EVL: variants seen among roughly 807,000 people sequenced by gnomAD.
The protein encoded by EVL is ena/VASP-like protein.
A neutral mutation model predicts 59.6 loss-of-function variants in EVL; 21 were observed. The ratio of observed to expected loss-of-function variants is 0.35; its 90% confidence interval spans 0.25 to 0.51. EVL has a LOEUF of 0.51. Among genes scored for constraint, EVL ranks in the 20% least tolerant of loss-of-function variants. EVL has a pLI of 0.97. For missense variants in EVL, 462 were observed against 546.6 expected (o/e 0.85, Z 1.54); for synonymous variants, 198 against 203.5 (o/e 0.97, Z 0.23).
At chr14:100,135,360 C>T (rs1888713018) in intron 8 of EVL, 1 of 152,694 alleles carries the variant, frequency 6.5e-6, no homozygotes, top group Non-Finnish European at 1.5e-5. Flanking sequence ...CATTCTGCTT[C>T]ATCAAGTGGA....
intron 1 of EVL, among the ~76,000 whole-genome samples, chr14:99,994,727 T>C (rs1056326147): frequency 6.6e-6 from 1 of 152,196 alleles, no homozygotes; most frequent in Non-Finnish European, 1.5e-5. Context: ...TGTCTACATA[T>C]TTACCTTTAC....
At chr14:99,979,562 A>AT (rs1555410188) in intron 1 of EVL, among the ~76,000 whole-genome samples, 1 of 151,654 alleles carries the variant, frequency 6.6e-6, no homozygotes, top group African/African-American at 2.4e-5. Context: ...GGATGGAAAT[A>AT]TTTTTTTTAA....
At chr14:100,076,276 C>G (rs1595138119) in intron 1 of EVL, among the ~76,000 whole-genome samples, 1 of 152,176 alleles carries the variant, frequency 6.6e-6, no homozygotes, top group Non-Finnish European at 1.5e-5. Context: ...ATGTGCTGGG[C>G]CGTTTGTGGG....
intron 1 of EVL, among the ~76,000 whole-genome samples, chr14:99,973,387 T>C (rs1318302575): frequency 6.6e-6 from 1 of 152,234 alleles, no homozygotes; most frequent in Non-Finnish European, 1.5e-5. Flanking sequence ...CTGATGAGGC[T>C]GAACATCTTT....
chr14:100,005,859 C>T (rs1389781565), intron 1 of EVL, among the ~76,000 whole-genome samples: 1 of 152,112 alleles, frequency 6.6e-6, no homozygotes, highest in Non-Finnish European at 1.5e-5. Context: ...AAAAAGAAGG[C>T]AGAACCCTTA....
rs112255748 is a variant in EVL, at chr14:99,986,153, G to A, written c.5+14096G>A. On this transcript the variant is annotated intron_variant, in intron 1 of 13. Transcript: ENST00000402714. Reference sequence around the variant, plus strand: ...CTAAAAATATAAAAATTAGCCAGACGTGGTGGCATGTGCCTGTAGTCCCAG... The same window carrying A: ...CTAAAAATATAAAAATTAGCCAGACATGGTGGCATGTGCCTGTAGTCCCAG... Among the ~76,000 whole-genome samples the A allele has an allele frequency of 7.2e-5, 11 of 152,010 alleles. 1 individual carries two copies. Among genetic ancestry groups the A allele is most frequent in the African/African-American group, 2.4e-4 (10 of 41,472 alleles).
At chr14:100,053,706 C>T (rs954986509) in intron 1 of EVL, among the ~76,000 whole-genome samples, 2 of 152,152 alleles carry the variant, frequency 1.3e-5, no homozygotes, top group Non-Finnish European at 2.9e-5. Flanking sequence ...TTTGTAACCA[C>T]CATCTTTATC....
chr14:99,993,180 C>G (rs891202777), intron 1 of EVL, among the ~76,000 whole-genome samples: 1 of 151,454 alleles, frequency 6.6e-6, no homozygotes, highest in Non-Finnish European at 1.5e-5. Flanking sequence ...GCCTCAGCCT[C>G]CTGAGTAGCT....
At chr14:100,036,257 T>C (rs1195699092) in intron 1 of EVL, among the ~76,000 whole-genome samples, 6 of 152,188 alleles carry the variant, frequency 3.9e-5, no homozygotes, top group Admixed American at 2.0e-4. Flanking sequence ...CCCCAGTCCA[T>C]GGAAAAATTG....
chr14:99,973,862 G>A (rs137971429), intron 1 of EVL, among the ~76,000 whole-genome samples: 11 of 152,170 alleles, frequency 7.2e-5, no homozygotes, highest in Non-Finnish European at 1.0e-4. Flanking sequence ...GTGAAAAAGG[G>A]GTTAAATTTT....
chr14:100,050,696 ATTGT>A (rs1033560145), intron 1 of EVL, among the ~76,000 whole-genome samples: 5 of 149,162 alleles, frequency 3.4e-5, no homozygotes, highest in African/African-American at 1.2e-4. Flanking sequence ...CTTTGCCACA[ATTGT>A]TTATTTCTCT....
chr14:100,093,949 GTTA>G (rs1210680744), intron 2 of EVL, among the ~76,000 whole-genome samples: 1 of 151,674 alleles, frequency 6.6e-6, no homozygotes, highest in Non-Finnish European at 1.5e-5. Flanking sequence ...TTTATTATTA[GTTA>G]TTGTTGTTAA....
At chr14:100,122,959 C>A (rs1021455818) in intron 3 of EVL, among the ~76,000 whole-genome samples, 1 of 152,190 alleles carries the variant, frequency 6.6e-6, no homozygotes, top group Non-Finnish European at 1.5e-5. Context: ...CCTTCCCACC[C>A]GCAGCTCCAG....
intron 1 of EVL, among the ~76,000 whole-genome samples, chr14:99,985,374 T>C (rs2060833513): frequency 6.6e-6 from 1 of 152,150 alleles, no homozygotes; most frequent in East Asian, 1.9e-4. Flanking sequence ...GTTTTGGTTC[T>C]TCACCTTTGT....
chr14:100,007,691 C>T (rs1333128703), intron 1 of EVL, among the ~76,000 whole-genome samples: 1 of 152,156 alleles, frequency 6.6e-6, no homozygotes, highest in East Asian at 1.9e-4. Context: ...GGCACTCCAG[C>T]GGGGAGGTAC....
chr14:100,096,561 C>T (rs919060177), intron 2 of EVL, among the ~76,000 whole-genome samples: 1 of 152,242 alleles, frequency 6.6e-6, no homozygotes, highest in East Asian at 1.9e-4. Context: ...ACCAGAAAAC[C>T]GATCATTCAT....
rs1461531575 is a variant in EVL, at chr14:100,127,312, A to G, written c.487+541A>G. ...GAAATTGTCATGTTCACTGATAGGC[A>G]AAGGACTGGATAATTTACCAAGTGC... is the stretch of plus-strand genomic sequence containing the variant. On this transcript the variant is annotated intron_variant, in intron 5 of 13. Transcript: ENST00000392920. The surrounding 1 kb of genome is among the most constrained non-coding windows in gnomAD (Gnocchi z 4.2). Among the ~76,000 whole-genome samples the G allele has an allele frequency of 6.6e-6, 1 of 152,226 alleles. No individual in the cohort carries two copies. Among genetic ancestry groups the G allele is most frequent in the African/African-American group, 2.4e-5 (1 of 41,460 alleles).
chr14:100,111,125 C>T (rs1886948444), intron 3 of EVL, among the ~76,000 whole-genome samples: 1 of 151,296 alleles, frequency 6.6e-6, no homozygotes, highest in African/African-American at 2.4e-5. Context: ...AGCCATTTCA[C>T]CATTCTAAGC....
intron 3 of EVL, among the ~76,000 whole-genome samples, chr14:100,098,248 G>A (rs774619059): frequency 4.6e-5 from 7 of 152,176 alleles, no homozygotes; most frequent in Non-Finnish European, 7.3e-5. Flanking sequence ...CTTCAGAGCC[G>A]CCAAGGGAGA....
Sources: allele counts gnomAD v4.1 joint callset (sites outside exome capture counted in the v4.1 genomes callset), GRCh38; gene constraint gnomAD v4.1.1; non-coding constraint Gnocchi (gnomAD v3.1); transcripts MANE v1.5; gene names NCBI Gene and HGNC (gene_info 2026-07-23, HGNC 2026-07-21).